Variants in RPGRIP1L observed in about 807,000 individuals in gnomAD.
The protein encoded by RPGRIP1L is RPGRIP1 like.
Under a neutral mutation model 160.4 loss-of-function variants are expected in RPGRIP1L, and 131 were observed. The ratio of observed to expected loss-of-function variants is 0.82; its 90% CI spans 0.71 to 0.94. The LOEUF (loss-of-function observed/expected upper bound fraction) is 0.94. Among genes scored for constraint, RPGRIP1L ranks in the 40% least tolerant of loss-of-function variants. The probability of loss-of-function intolerance (pLI) is 0.00; values close to 1 mark genes in which losing one functional copy is unlikely to be tolerated. For synonymous variants in RPGRIP1L, 510 were observed against 515.8 expected, an observed-to-expected ratio of 0.99 and a Z score of 0.15; for missense variants, 1,522 against 1,535.8, an observed-to-expected ratio of 0.99 and a Z score of 0.15.
chr16:53,687,367 G>A (rs530545934), intron 5 of RPGRIP1L, among the ~76,000 whole-genome samples: 1 of 152,240 alleles, frequency 6.6e-6, no homozygotes, highest in African/African-American at 2.4e-5. Flanking sequence ...AAATGTGGCA[G>A]AAGTAACTTT....
intron 7 of RPGRIP1L, among the ~76,000 whole-genome samples, chr16:53,674,790 CAG>C (rs1056427294): frequency 2.4e-4 from 37 of 151,890 alleles, no homozygotes; most frequent in African/African-American, 8.9e-4. Context: ...TAAGATGACA[CAG>C]ATATTTATAA....
chr16:53,608,916 C>T lies in RPGRIP1L; in HGVS notation c.3701+2051G>A, dbSNP rs576233816. Among the ~76,000 whole-genome samples the T allele has an allele frequency of 3.1e-3, 474 of 152,240 alleles. 1 individual carries two copies. Among genetic ancestry groups the T allele is most frequent in the South Asian group, 7.5e-3 (36 of 4,818 alleles). Reference sequence around the variant, plus strand: ...GGGGCCATCCACTCCCATGGTTGTTCGAGGAGTGCATGGCCAGCACTGAAA... The same window carrying T: ...GGGGCCATCCACTCCCATGGTTGTTTGAGGAGTGCATGGCCAGCACTGAAA... On this transcript the variant is annotated intron_variant, in intron 25 of 26. Transcript: ENST00000647211.
chr16:53,620,538 C>T (rs1292740612), intron 23 of RPGRIP1L, among the ~76,000 whole-genome samples: 1 of 152,092 alleles, frequency 6.6e-6, no homozygotes, highest in Non-Finnish European at 1.5e-5. Context: ...CTAGGATTAG[C>T]ATAGTATGAT....
intron 23 of RPGRIP1L, among the ~76,000 whole-genome samples, 162 bp from the exon 24 acceptor site, chr16:53,619,370 T>C (rs1461001421): frequency 1.3e-5 from 2 of 152,256 alleles, no homozygotes; most frequent in African/African-American, 2.4e-5. Context: ...TGATAGATTA[T>C]TCATGACAGA....
rs140371612 is a variant in RPGRIP1L at position 53,679,114 on chromosome 16, CTG to C, written c.777-3994_777-3993del. Among the ~76,000 whole-genome samples the C allele has an allele frequency of 6.8e-4, 103 of 152,318 alleles. 2 individuals are homozygous for C. The South Asian group carries it at 0.014, about 21-fold the overall frequency. ...AGATTGCTCAAAGGAAAAAAACTGT[CTG>C]TGTATATTTATTTGCCTCTGAATCA... On this transcript the variant is annotated intron_variant, in intron 6 of 26. Transcript: ENST00000647211.
intron 8 of RPGRIP1L, among the ~76,000 whole-genome samples, chr16:53,672,096 TAAATG>T (rs1968782955): frequency 6.6e-6 from 1 of 152,194 alleles, no homozygotes; most frequent in Non-Finnish European, 1.5e-5. Context: ...CTTTTGTGAA[TAAATG>T]AATAAACAAA....
intron 2 of RPGRIP1L, 71 bp downstream of exon 2, chr16:53,700,568 A>T (rs1169846146): frequency 1.6e-6 from 2 of 1,216,704 alleles, no homozygotes; most frequent in Non-Finnish European, 2.4e-6. Flanking sequence ...GTATGAGTAT[A>T]AGAAATACTT....
chr16:53,679,943 G>T (rs1481514997), intron 6 of RPGRIP1L, among the ~76,000 whole-genome samples: 1 of 152,146 alleles, frequency 6.6e-6, no homozygotes, highest in Non-Finnish European at 1.5e-5. Context: ...TTAAGTAATG[G>T]AAACAACACT....
At chr16:53,658,970 T>C in intron 10 of RPGRIP1L, 92 bp from the exon 11 acceptor site, 6 of 869,078 alleles carry the variant, frequency 6.9e-6, no homozygotes, top group Non-Finnish European at 1.1e-5. Context: ...TCCACACCAG[T>C]CTTGATCTAG....
chr16:53,689,035 TAC>T (rs1414948870), intron 4 of RPGRIP1L, among the ~76,000 whole-genome samples: 2 of 150,496 alleles, frequency 1.3e-5, no homozygotes, highest in Non-Finnish European at 3.0e-5. Flanking sequence ...TCTTAAAACT[TAC>T]AGTCTCATGG....
At chr16:53,610,906 G>A in intron 25 of RPGRIP1L, 61 bp downstream of exon 25, 1 of 1,310,552 alleles carries the variant, frequency 7.6e-7, no homozygotes, top group Admixed American at 1.7e-5. Context: ...TTTTAACCAT[G>A]TCCTGCTACA....
At chr16:53,619,001 A>G (rs975957612) in intron 24 of RPGRIP1L, 24 bp downstream of exon 24, 5 of 1,563,840 alleles carry the variant, frequency 3.2e-6, no homozygotes, top group East Asian at 2.2e-5. Context: ...ATAAAAGTCT[A>G]TATTACAAAT....
chr16:53,650,938 C>T (rs1309156854), intron 15 of RPGRIP1L, among the ~76,000 whole-genome samples: 1 of 152,132 alleles, frequency 6.6e-6, no homozygotes, highest in African/African-American at 2.4e-5. Flanking sequence ...TATTTACATT[C>T]ACTCTCTATG....
chr16:53,613,775 T>C (rs1416482465), intron 24 of RPGRIP1L, among the ~76,000 whole-genome samples: 2 of 152,212 alleles, frequency 1.3e-5, no homozygotes, highest in African/African-American at 2.4e-5. Flanking sequence ...CACTATTTAC[T>C]GGGTACTATT....
chr16:53,610,535 T>C (rs1396735777), intron 25 of RPGRIP1L, among the ~76,000 whole-genome samples: 3 of 152,206 alleles, frequency 2.0e-5, no homozygotes, highest in Non-Finnish European at 4.4e-5. Context: ...TATGGTGTTA[T>C]CATCTCCATT....
chr16:53,636,667 C>T (rs1965855265), intron 21 of RPGRIP1L, among the ~76,000 whole-genome samples, 155 bp from the exon 22 acceptor site: 1 of 151,348 alleles, frequency 6.6e-6, no homozygotes, highest in Non-Finnish European at 1.5e-5. Flanking sequence ...TGTTTACAGA[C>T]ACATTACATT....
intron 2 of RPGRIP1L, among the ~76,000 whole-genome samples, chr16:53,697,823 A>G (rs956114708): frequency 6.7e-6 from 1 of 148,662 alleles, no homozygotes; most frequent in African/African-American, 2.5e-5. Flanking sequence ...CTGGCCGCCC[A>G]TCGTCTGGGA....
chr16:53,617,797 A>G (rs1964471858), intron 24 of RPGRIP1L, among the ~76,000 whole-genome samples: 1 of 151,934 alleles, frequency 6.6e-6, no homozygotes, highest in Non-Finnish European at 1.5e-5. Context: ...CAGATGGGGG[A>G]AAAAAAAGGT....
At chr16:53,695,482 A>T (rs1274336084) in intron 3 of RPGRIP1L, 3 of 702,056 alleles carry the variant, frequency 4.3e-6, no homozygotes, top group African/African-American at 3.5e-5. Context: ...ATGAATACAG[A>T]CCTGCTCATG....
Sources: gnomAD v4.1 joint callset for allele counts (sites outside exome capture counted in the v4.1 genomes callset) on GRCh38, gnomAD v4.1.1 for gene constraint, MANE v1.5 for transcripts, NCBI Gene and HGNC (gene_info 2026-07-23, HGNC 2026-07-21) for gene names.